Variants in INTU observed in about 807,000 individuals in gnomAD.
INTU encodes protein inturned.
Under a neutral mutation model 100.5 loss-of-function variants are expected in INTU, and 68 were observed. The observed-to-expected ratio is 0.68, with a 90% CI of 0.56 to 0.83. The LOEUF (loss-of-function observed/expected upper bound fraction) is 0.83. Among genes scored for constraint, INTU ranks in the 40% least tolerant of loss-of-function variants. INTU has a pLI of 0.00. For synonymous variants in INTU, 357 were observed against 395.7 expected (o/e 0.90, Z 1.16); for missense variants, 1,071 against 1,114.7 (o/e 0.96, Z 0.56).
intron 1 of INTU, among the ~76,000 whole-genome samples, chr4:127,636,613 CAAAAAAA>C (rs770388771): frequency 3.4e-4 from 29 of 85,520 alleles, no homozygotes; most frequent in African/African-American, 8.5e-4. Flanking sequence ...CACACCATCT[CAAAAAAA>C]AAAAAAAAAA....
chr4:127,715,771 T>A (rs1302848842), intron 15 of INTU, among the ~76,000 whole-genome samples: 1 of 152,184 alleles, frequency 6.6e-6, no homozygotes, highest in African/African-American at 2.4e-5. Context: ...TAATGCAGAT[T>A]TATGCAGAAG....
chr4:127,699,984 T>G, intron 8 of INTU, 26 bp from the exon 9 acceptor site: 2 of 1,546,748 alleles, frequency 1.3e-6, no homozygotes, highest in Non-Finnish European at 1.7e-6. Flanking sequence ...AATGTTTATG[T>G]TACTCTTTTT....
chr4:127,685,097 C>T (rs1424256315), intron 7 of INTU, among the ~76,000 whole-genome samples: 5 of 151,890 alleles, frequency 3.3e-5, no homozygotes, highest in Admixed American at 6.6e-5. Context: ...TGGTTTTGTT[C>T]GTGTCCTTCC....
At chr4:127,672,952 A>G (rs368057389) in intron 5 of INTU, among the ~76,000 whole-genome samples, 1 of 152,366 alleles carries the variant, frequency 6.6e-6, no homozygotes, top group East Asian at 1.9e-4. Flanking sequence ...GTTTCCACAT[A>G]GGTGTATACC....
chr4:127,651,036 A>G (rs1222394076), intron 2 of INTU, among the ~76,000 whole-genome samples: 1 of 152,160 alleles, frequency 6.6e-6, no homozygotes, highest in Non-Finnish European at 1.5e-5. Flanking sequence ...GTGTCTGTTC[A>G]TGTCCTTCTC....
intron 12 of INTU, among the ~76,000 whole-genome samples, chr4:127,708,158 A>G (rs1338136906): frequency 6.6e-6 from 1 of 152,228 alleles, no homozygotes; most frequent in Non-Finnish European, 1.5e-5. Context: ...ATAGCTCCTA[A>G]GAGAAATTGA....
intron 14 of INTU, among the ~76,000 whole-genome samples, chr4:127,713,391 C>T (rs895172235): frequency 6.6e-6 from 1 of 152,014 alleles, no homozygotes; most frequent in African/African-American, 2.4e-5. Flanking sequence ...TTATAAGAAG[C>T]CTTTATAGTC....
At chr4:127,665,565 A>G (rs1186806423) in intron 4 of INTU, among the ~76,000 whole-genome samples, 2 of 152,140 alleles carry the variant, frequency 1.3e-5, no homozygotes, top group African/African-American at 4.8e-5. Flanking sequence ...GCTACTTGCT[A>G]TAACAAACAA....
intron 3 of INTU, 67 bp downstream of exon 3, chr4:127,656,788 T>G: frequency 2.3e-4 from 213 of 908,044 alleles, no homozygotes; most frequent in Non-Finnish European, 3.0e-4. Context: ...TATCGTGCAC[T>G]ATTTTCCTTT....
intron 2 of INTU, among the ~76,000 whole-genome samples, chr4:127,645,309 T>A (rs1019959057): frequency 6.6e-6 from 1 of 152,126 alleles, no homozygotes; most frequent in Non-Finnish European, 1.5e-5. Context: ...TTGGGGATAC[T>A]TGCCCTTAGA....
Position 127,722,484 on chromosome 4 carries a change from T to C in INTU, c.*6048T>C, listed in dbSNP as rs1009075243. 1 of 152,322 alleles carries C rather than the reference T, an allele frequency of 6.6e-6. No individual in the cohort carries two copies. The highest frequency in any genetic ancestry group is 2.4e-5 in the African/African-American group (1 of 41,458). The allele number at this position is 152,322 out of a possible 1,614,324, so 9.4% of individuals were successfully genotyped here. On this transcript the variant is annotated 3_prime_UTR_variant, in exon 16 of 16. Coordinates refer to ENST00000335251, the MANE Select transcript of INTU (RefSeq NM_015693.4). Reference sequence around the variant, plus strand: ...TGTCTGCCCCTTGACAGGGTGGGTGTGCTACACTGGGGGGAATCCCCCTCA... The same window carrying C: ...TGTCTGCCCCTTGACAGGGTGGGTGCGCTACACTGGGGGGAATCCCCCTCA...
In INTU at chr4:127,691,962, G is replaced by GTGTGTATATATATATATATATATA; in HGVS notation, c.1449+4096_1449+4097insGTGTATATATATATATATATATAT. Among the ~76,000 whole-genome samples, 483 of 98,210 alleles carry GTGTGTATATATATATATATATATA rather than the reference G, an allele frequency of 4.9e-3. 24 individuals are homozygous for GTGTGTATATATATATATATATATA. The highest frequency in any genetic ancestry group is 8.2e-3 in the Non-Finnish European group (383 of 46,598). The allele number at this position is 98,210 out of a possible 152,430, so 64.4% of individuals were successfully genotyped here. A position where few individuals can be genotyped will look rare whatever the true frequency, so the allele number is the denominator to read the frequency against. The stretch of plus-strand genomic sequence containing the variant: ...GGCGGAGTATAGTGTTCCATGGTAT[G>GTGTGTATATATATATATATATATA]TATATATATATATATATATGTCACA... On this transcript the variant is annotated intron_variant, in intron 8 of 15. Transcript: ENST00000335251.
rs1403880500 is a variant in INTU at position 127,698,606 on chromosome 4, T to C, written c.1450-1404T>C. 3.3e-5 allele frequency among the ~76,000 whole-genome samples: 5 copies of C among 152,346 alleles called. No homozygotes were observed. In the South Asian group the frequency reaches 8.3e-4, roughly 25 times the overall value. On this transcript the variant is annotated intron_variant, in intron 8 of 15. Coordinates refer to ENST00000335251, the MANE Select transcript of INTU (RefSeq NM_015693.4). ...ACCTATTTGTTCCAGGTTTAGTATA[T>C]AATGAGGTCTTACTTTAGTTTTTCT...
chr4:127,687,864 CAAGGTAATCTTAGGTATTATA>C lies in INTU; in HGVS notation c.1449+1_1449+21del. 6.3e-7 allele frequency: 1 copy of C among 1,575,130 alleles called. No individual in the cohort carries two copies. The highest frequency in any genetic ancestry group is 8.7e-7 in the Non-Finnish European group (1 of 1,154,688). The stretch of plus-strand genomic sequence containing the variant: ...GGTGGCTCACACTTCCACTGGAAAT[CAAGGTAATCTTAGGTATTATA>C]AAGCAGAAGCAGAACCAGGTGCCTT... On this transcript the variant is annotated splice_donor_variant and splice_donor_5th_base_variant and coding_sequence_variant and intron_variant, in exon 8 of 16. Coordinates refer to ENST00000335251, the MANE Select transcript of INTU (RefSeq NM_015693.4). LOFTEE classifies it high-confidence loss of function.
At chr4:127,669,522 C>T (rs1035316093) in intron 5 of INTU, among the ~76,000 whole-genome samples, 2 of 151,786 alleles carry the variant, frequency 1.3e-5, no homozygotes, top group African/African-American at 2.4e-5. Flanking sequence ...TTATGAATCT[C>T]AGCTTTTTCA....
chr4:127,650,439 C>G (rs57569721), intron 2 of INTU, among the ~76,000 whole-genome samples: 3,073 of 144,648 alleles, frequency 0.021, 104 homozygotes, highest in African/African-American at 0.075. Flanking sequence ...TGATCTCATT[C>G]TTCAATTCCC....
rs1414080115 is a variant in INTU at position 127,632,990 on chromosome 4, T to G, written c.-45T>G. On this transcript the variant is annotated 5_prime_UTR_variant, in exon 1 of 16. Coordinates refer to ENST00000335251, the MANE Select transcript of INTU (RefSeq NM_015693.4). The stretch of plus-strand genomic sequence containing the variant: ...CATGGCGGCCTTAGCAAGCTATAGC[T>G]GCGAGATTTGAATTACTCCACTCGT... The G allele has an allele frequency of 1.3e-6, 2 of 1,582,536 alleles. No homozygotes were observed. Among genetic ancestry groups the G allele is most frequent in the East Asian group, 2.3e-5 (1 of 44,180 alleles).
At chr4:127,635,600 A>G (rs1324875621) in intron 1 of INTU, among the ~76,000 whole-genome samples, 1 of 152,232 alleles carries the variant, frequency 6.6e-6, no homozygotes, top group Admixed American at 6.5e-5. Context: ...CACCTAAAAC[A>G]CAAGGATTGG....
At position 127,648,500 on chromosome 4, in the gene INTU, A is replaced by G. The variant is rs1008776626; in HGVS notation, c.682+4444A>G. Among the ~76,000 whole-genome samples, 3 of 152,204 alleles carry G rather than the reference A, an allele frequency of 2.0e-5. No homozygotes were observed. The South Asian group carries it at 6.2e-4, about 32-fold the overall frequency. ...TTGTTAGACTTGATAATTTTAGATA[A>G]TACTCCCTATAACACTCAGCTACAG... is the stretch of plus-strand genomic sequence containing the variant. On this transcript the variant is annotated intron_variant, in intron 2 of 15. Coordinates refer to ENST00000335251, the MANE Select transcript of INTU (RefSeq NM_015693.4).
Sources: allele counts gnomAD v4.1 joint callset (sites outside exome capture counted in the v4.1 genomes callset), GRCh38; gene constraint gnomAD v4.1.1; transcripts MANE v1.5; gene names NCBI Gene and HGNC (gene_info 2026-07-23, HGNC 2026-07-21).